Variants in BNC2 observed in about 807,000 individuals in gnomAD.
BNC2 encodes basonuclin zinc finger protein 2.
Under a neutral mutation model 76.3 loss-of-function variants are expected in BNC2, and 20 were observed. The observed-to-expected ratio is 0.26, with a 90% confidence interval of 0.18 to 0.38. The LOEUF (loss-of-function observed/expected upper bound fraction) is 0.38. Ranked by LOEUF, BNC2 falls within the 10% of genes least tolerant of loss-of-function variation. The probability of loss-of-function intolerance (pLI) is 1.00; values close to 1 mark genes in which losing one functional copy is unlikely to be tolerated. For synonymous variants in BNC2, 582 were observed against 514.8 expected (o/e 1.13, Z -1.77); for missense variants, 1,382 against 1,399.8 (o/e 0.99, Z 0.20).
chr9:16,666,530 C>T (rs1323846784), intron 3 of BNC2, among the ~76,000 whole-genome samples: 1 of 152,190 alleles, frequency 6.6e-6, no homozygotes, highest in Admixed American at 6.5e-5. Flanking sequence ...CTAAATGCTA[C>T]AATGCAACTG....
intron 5 of BNC2, among the ~76,000 whole-genome samples, chr9:16,514,161 C>G (rs914523094): frequency 1.3e-5 from 2 of 152,184 alleles, no homozygotes; most frequent in African/African-American, 4.8e-5. Flanking sequence ...CACCAGCCAG[C>G]AAGGCAGGTT....
rs142411447 is a variant in BNC2 at position 16,594,831 on chromosome 9, G to A, written c.331-11746C>T. Among the ~76,000 whole-genome samples the A allele has an allele frequency of 1.3e-4, 20 of 152,230 alleles. 1 individual carries two copies. In the East Asian group the frequency reaches 3.3e-3, roughly 25 times the overall value. On this transcript the variant is annotated intron_variant, in intron 3 of 6. Transcript: ENST00000380672. The stretch of plus-strand genomic sequence containing the variant: ...TACTCAGCCTGGGCATGGGAGGAAA[G>A]GAGCCTGATAATCCCCCTTGTTCCC...
At chr9:16,516,324 G>A (rs923217365) in intron 5 of BNC2, among the ~76,000 whole-genome samples, 2 of 151,168 alleles carry the variant, frequency 1.3e-5, no homozygotes, top group African/African-American at 4.9e-5. Context: ...TCTGAGAAGC[G>A]TTTGCAAGTT....
chr9:16,675,795 G>C (rs750903908), intron 3 of BNC2, among the ~76,000 whole-genome samples: 2 of 152,082 alleles, frequency 1.3e-5, no homozygotes, highest in African/African-American at 4.8e-5. Context: ...GGCCGGGCTC[G>C]GTGGCTCACA....
At chr9:16,421,200 TG>T (rs1373389512) in intron 6 of BNC2, 2 of 1,173,432 alleles carry the variant, frequency 1.7e-6, no homozygotes, top group Non-Finnish European at 2.2e-6. Context: ...TACAGCACTC[TG>T]GGTTTTAAGG....
intron 1 of BNC2, among the ~76,000 whole-genome samples, chr9:16,806,544 A>C (rs1265729577): frequency 6.6e-6 from 1 of 152,200 alleles, no homozygotes; most frequent in African/African-American, 2.4e-5. Flanking sequence ...GCCATAAGTA[A>C]AGTGTTGCTT....
At chr9:16,572,362 A>C (rs1217012674) in intron 4 of BNC2, among the ~76,000 whole-genome samples, 1 of 152,228 alleles carries the variant, frequency 6.6e-6, no homozygotes, top group Admixed American at 6.5e-5. Flanking sequence ...AATGGGCATA[A>C]AGACAAGGTG....
chr9:16,707,189 A>C (rs1188152524), intron 3 of BNC2, among the ~76,000 whole-genome samples: 2 of 151,544 alleles, frequency 1.3e-5, no homozygotes, highest in African/African-American at 4.8e-5. Flanking sequence ...GCAACAGAGC[A>C]AGACTCCGCC....
chr9:16,755,823 T>C (rs1825368753), intron 1 of BNC2, among the ~76,000 whole-genome samples: 1 of 152,216 alleles, frequency 6.6e-6, no homozygotes, highest in Non-Finnish European at 1.5e-5. Context: ...GAAAATGATT[T>C]TCTCCATTTA....
At position 16,543,149 on chromosome 9, in the gene BNC2, G is replaced by A. The variant is rs551934303; in HGVS notation, c.669+9381C>T. Among the ~76,000 whole-genome samples, 5 of 152,220 alleles carry A rather than the reference G, an allele frequency of 3.3e-5. No individual in the cohort carries two copies. The East Asian group carries it at 9.6e-4, about 29-fold the overall frequency. On this transcript the variant is annotated intron_variant, in intron 5 of 6. Transcript: ENST00000380672. The stretch of plus-strand genomic sequence containing the variant: ...GCTCTAGAAACTTAAGGGTTGGGGT[G>A]GGGGGACTAGGAGATCATTCTACTT...
chr9:16,826,451 C>T (rs1428637965), intron 1 of BNC2, among the ~76,000 whole-genome samples: 2 of 152,046 alleles, frequency 1.3e-5, no homozygotes, highest in South Asian at 2.1e-4. Flanking sequence ...CACTGCCATA[C>T]GGAGGTCCAC....
chr9:16,546,610 A>C (rs542856293), intron 5 of BNC2, among the ~76,000 whole-genome samples: 2 of 152,378 alleles, frequency 1.3e-5, no homozygotes, highest in Non-Finnish European at 2.9e-5. Flanking sequence ...ATAGAAGTAA[A>C]GATAACAAAA....
rs74373991 is a variant in BNC2, at chr9:16,683,759, A to G, written c.330+44038T>C. ...ACTAGGTATTTCTAAAATGTGCAGAAGAAGCACATTTAGGAAGGCAGAAGA... is the reference window on the plus strand; with the variant it reads ...ACTAGGTATTTCTAAAATGTGCAGAGGAAGCACATTTAGGAAGGCAGAAGA... On this transcript the variant is annotated intron_variant, in intron 3 of 6. Coordinates refer to ENST00000380672, the MANE Select transcript of BNC2 (RefSeq NM_017637.6). Among the ~76,000 whole-genome samples, 865 of 152,350 alleles carry G rather than the reference A, an allele frequency of 5.7e-3. 3 individuals are homozygous for G. Among genetic ancestry groups the G allele is most frequent in the African/African-American group, 0.018 (767 of 41,582 alleles).
intron 1 of BNC2, among the ~76,000 whole-genome samples, chr9:16,751,912 TCA>T (rs1354690349): frequency 2.7e-4 from 41 of 151,640 alleles, no homozygotes; most frequent in African/African-American, 8.7e-4. Flanking sequence ...GCCTGTAATC[TCA>T]GCTACTCGGG....
intron 1 of BNC2, among the ~76,000 whole-genome samples, chr9:16,741,307 G>A (rs1824843292): frequency 6.6e-6 from 1 of 151,968 alleles, no homozygotes; most frequent in Admixed American, 6.6e-5. Context: ...TACAAAATTA[G>A]CCAGGTATGG....
intron 1 of BNC2, among the ~76,000 whole-genome samples, chr9:16,756,044 G>A (rs189934732): frequency 1.3e-5 from 2 of 152,262 alleles, no homozygotes; most frequent in East Asian, 3.9e-4. Context: ...ATTAACTCAG[G>A]TGTCTCTCAT....
At chr9:16,851,762 T>A in intron 1 of BNC2, among the ~76,000 whole-genome samples, 1 of 152,148 alleles carries the variant, frequency 6.6e-6, no homozygotes, top group Non-Finnish European at 1.5e-5. Flanking sequence ...AGGAAAAAGT[T>A]ATTCAAAGAT....
intron 5 of BNC2, among the ~76,000 whole-genome samples, chr9:16,536,431 A>C (rs908144267): frequency 2.0e-5 from 3 of 152,232 alleles, no homozygotes; most frequent in Admixed American, 6.5e-5. Flanking sequence ...ATCACTAATA[A>C]GCTGAGGTAT....
At chr9:16,721,157 T>C (rs1387831971) in intron 3 of BNC2, among the ~76,000 whole-genome samples, 1 of 152,194 alleles carries the variant, frequency 6.6e-6, no homozygotes, top group East Asian at 1.9e-4. Context: ...CATCTGCACA[T>C]TTTAAAACTT....
Sources: gnomAD v4.1 joint callset for allele counts (sites outside exome capture counted in the v4.1 genomes callset) on GRCh38, gnomAD v4.1.1 for gene constraint, MANE v1.5 for transcripts, NCBI Gene and HGNC (gene_info 2026-07-23, HGNC 2026-07-21) for gene names.